CAST: variants seen among roughly 807,000 people sequenced by gnomAD.
CAST encodes calpastatin, also known as MIR583 host.
CAST carries 76 observed loss-of-function variants against 119.6 expected under a neutral mutation model. That is an observed-to-expected ratio of 0.64 (90% CI 0.53 to 0.77). The LOEUF is 0.77. Among genes scored for constraint, CAST ranks in the 30% least tolerant of loss-of-function variants. CAST has a pLI of 0.00. For missense variants in CAST, 953 were observed against 946.5 expected (o/e 1.01, Z -0.09); for synonymous variants, 319 against 331.6 (o/e 0.96, Z 0.41).
chr5:96,196,055 T>C, the CAST span, among the ~76,000 whole-genome samples: 1 of 152,228 alleles, frequency 6.6e-6, no homozygotes, highest in Non-Finnish European at 1.5e-5. Flanking sequence ...TTTCAGAGTC[T>C]GCAGTTTTGA....
intron 1 of CAST, among the ~76,000 whole-genome samples, chr5:96,628,412 A>C (rs889076630): frequency 9.9e-5 from 15 of 152,280 alleles, no homozygotes; most frequent in African/African-American, 3.1e-4. Flanking sequence ...CAAAGTTTAC[A>C]TTTATACATG....
chr5:96,243,864 A>G, the CAST span, among the ~76,000 whole-genome samples: 5 of 152,344 alleles, frequency 3.3e-5, 1 homozygote, highest in East Asian at 5.8e-4. Context: ...TCCCAAATGC[A>G]TGAGCACTTG....
chr5:96,120,796 C>T, the CAST span, among the ~76,000 whole-genome samples: 1 of 150,550 alleles, frequency 6.6e-6, no homozygotes. Context: ...CTTTCTCCTT[C>T]CTTGCTATAC....
At chr5:96,161,912 A>G in the CAST span, among the ~76,000 whole-genome samples, 2 of 152,072 alleles carry the variant, frequency 1.3e-5, no homozygotes, top group African/African-American at 2.4e-5. Context: ...TTATTTTTCA[A>G]TTGTTCATTG....
the CAST span, among the ~76,000 whole-genome samples, chr5:96,479,664 T>G: frequency 2.0e-5 from 3 of 152,156 alleles, no homozygotes; most frequent in East Asian, 1.9e-4. Flanking sequence ...TCACCAGGAT[T>G]GTCTTTATCT....
chr5:96,293,675 T>G, the CAST span, among the ~76,000 whole-genome samples: 5 of 152,198 alleles, frequency 3.3e-5, no homozygotes, highest in African/African-American at 7.2e-5. Context: ...TATACTAAGA[T>G]AGTATTTAGA....
chr5:96,153,652 T>G, the CAST span, among the ~76,000 whole-genome samples: 1 of 152,318 alleles, frequency 6.6e-6, no homozygotes, highest in Admixed American at 6.5e-5. Context: ...AAGGATCCAA[T>G]TAGATTATTC....
chr5:96,590,724 G>T (rs142382650), intron 1 of CAST, among the ~76,000 whole-genome samples: 66 of 152,338 alleles, frequency 4.3e-4, no homozygotes, highest in African/African-American at 1.5e-3. Flanking sequence ...CTGGAAACTG[G>T]TTCCTATTCT....
chr5:96,346,386 T>C, the CAST span, among the ~76,000 whole-genome samples: 1 of 152,160 alleles, frequency 6.6e-6, no homozygotes, highest in East Asian at 1.9e-4. Flanking sequence ...TTTGAGCTTA[T>C]AAGAAAGTTG....
the CAST span, among the ~76,000 whole-genome samples, chr5:96,469,881 T>TATATATAC: frequency 7.4e-6 from 1 of 134,898 alleles, no homozygotes; most frequent in South Asian, 2.3e-4. Flanking sequence ...ATATATATAA[T>TATATATAC]ATATATATAC....
chr5:96,439,777 C>T, the CAST span, among the ~76,000 whole-genome samples: 214 of 152,252 alleles, frequency 1.4e-3, 2 homozygotes, highest in African/African-American at 4.9e-3. Context: ...TTCTCACCTC[C>T]CTCCAGTGAA....
chr5:96,232,854 A>C, the CAST span, among the ~76,000 whole-genome samples: 1 of 152,100 alleles, frequency 6.6e-6, no homozygotes, highest in East Asian at 1.9e-4. Flanking sequence ...TTTACTCCAA[A>C]TTTGTCTAGA....
chr5:96,277,004 A>G, the CAST span, among the ~76,000 whole-genome samples: 1 of 152,262 alleles, frequency 6.6e-6, no homozygotes, highest in African/African-American at 2.4e-5. Context: ...AGATTTATCC[A>G]TGAAGATCTA....
At chr5:96,606,957 A>G (rs1747268252) in intron 1 of CAST, among the ~76,000 whole-genome samples, 1 of 152,220 alleles carries the variant, frequency 6.6e-6, no homozygotes, top group South Asian at 2.1e-4. Context: ...TGTGTTTTTA[A>G]AAGCCCCCAG....
chr5:96,169,032 A>G, the CAST span, among the ~76,000 whole-genome samples: 2 of 152,196 alleles, frequency 1.3e-5, no homozygotes, highest in Non-Finnish European at 2.9e-5. Context: ...TAAAAAGGCT[A>G]CAGGGCGCGG....
At chr5:96,073,450 C>T in the CAST span, among the ~76,000 whole-genome samples, 1 of 152,326 alleles carries the variant, frequency 6.6e-6, no homozygotes, top group African/African-American at 2.4e-5. Context: ...AGAAGACCAG[C>T]TAATGAGTGG....
At chr5:96,171,617 G>A in the CAST span, among the ~76,000 whole-genome samples, 3 of 152,226 alleles carry the variant, frequency 2.0e-5, no homozygotes, top group African/African-American at 7.2e-5. Flanking sequence ...TCCCAAGTCC[G>A]TGACCAGCGC....
intron 1 of CAST, among the ~76,000 whole-genome samples, chr5:96,599,731 C>A (rs1436560500): frequency 6.6e-6 from 1 of 152,134 alleles, no homozygotes; most frequent in East Asian, 1.9e-4. Context: ...CTGATTAATT[C>A]TGTGCCACAC....
At chr5:96,098,478 C>T in the CAST span, among the ~76,000 whole-genome samples, 1 of 152,116 alleles carries the variant, frequency 6.6e-6, no homozygotes, top group Non-Finnish European at 1.5e-5. Flanking sequence ...AGTCTTTAAT[C>T]CATCTTGAGT....
Sources: allele counts gnomAD v4.1 joint callset (sites outside exome capture counted in the v4.1 genomes callset), GRCh38; gene constraint gnomAD v4.1.1; transcripts MANE v1.5; gene names NCBI Gene and HGNC (gene_info 2026-07-23, HGNC 2026-07-21).